The following KIFAP3 variants were observed in gnomAD, a reference collection of about 807,000 sequenced individuals.
KIFAP3 encodes kinesin-associated protein 3.
Under a neutral mutation model 106.5 loss-of-function variants are expected in KIFAP3, and 68 were observed. The ratio of observed to expected loss-of-function variants is 0.64; its 90% confidence interval spans 0.53 to 0.78. The LOEUF (loss-of-function observed/expected upper bound fraction) is 0.78, where lower values mean the gene tolerates loss of function less well. KIFAP3 is among the 30% of genes least tolerant of loss of function. KIFAP3 has a pLI of 0.00. For missense variants in KIFAP3, 780 were observed against 941.8 expected, an observed-to-expected ratio of 0.83 and a Z score of 2.25; for synonymous variants, 320 against 311.5, an observed-to-expected ratio of 1.03 and a Z score of -0.29.
At chr1:169,943,303 T>C in intron 19 of KIFAP3, among the ~76,000 whole-genome samples, 1 of 152,026 alleles carries the variant, frequency 6.6e-6, no homozygotes, top group Non-Finnish European at 1.5e-5. Context: ...AAAACAAATA[T>C]CTTAGAAAAA....
rs1391324395 is a variant in KIFAP3, at chr1:169,964,008, T to C, written c.1984-2773A>G. ...GATCAACTGAAGATCTTTACGTCAG[T>C]TAAATCTGATACTAAACTATACTTG... On this transcript the variant is annotated intron_variant, in intron 17 of 19. Transcript: ENST00000361580. Among the ~76,000 whole-genome samples the C allele has an allele frequency of 2.0e-5, 3 of 152,272 alleles. No homozygotes were observed. The East Asian group carries it at 5.8e-4, about 29-fold the overall frequency.
intron 8 of KIFAP3, 71 bp downstream of exon 8, chr1:170,031,815 A>G: frequency 1.0e-6 from 1 of 966,232 alleles, no homozygotes; most frequent in Non-Finnish European, 1.6e-6. Context: ...CAGGTATGAT[A>G]AAAAGTGAAC....
intron 9 of KIFAP3, among the ~76,000 whole-genome samples, chr1:170,020,510 C>T (rs28854261): frequency 0.15 from 23,502 of 152,072 alleles, 2,083 homozygotes; most frequent in Admixed American, 0.21. Context: ...GCTGGAGCGA[C>T]GATCTTGGCT....
chr1:169,973,523 A>C (rs575355952), intron 16 of KIFAP3, among the ~76,000 whole-genome samples: 157 of 151,028 alleles, frequency 1.0e-3, no homozygotes, highest in African/African-American at 3.3e-3. Context: ...AGTAAAAAAA[A>C]CTTGATATTA....
At chr1:170,041,666 G>A (rs1669987488) in intron 3 of KIFAP3, 1 of 1,531,740 alleles carries the variant, frequency 6.5e-7, no homozygotes, top group African/African-American at 1.4e-5. Flanking sequence ...TGCCAGCAAG[G>A]CATTACCGAC....
chr1:170,037,141 A>T (rs1669731297), intron 5 of KIFAP3, among the ~76,000 whole-genome samples: 1 of 152,204 alleles, frequency 6.6e-6, no homozygotes, highest in Admixed American at 6.5e-5. Context: ...AATGGAACAG[A>T]AGGAAAGGGA....
At chr1:169,965,688 A>G (rs1665574180) in intron 17 of KIFAP3, among the ~76,000 whole-genome samples, 1 of 152,040 alleles carries the variant, frequency 6.6e-6, no homozygotes, top group Non-Finnish European at 1.5e-5. Flanking sequence ...TGTAACAAAG[A>G]AGTTTCTTCA....
intron 19 of KIFAP3, among the ~76,000 whole-genome samples, chr1:169,937,424 T>C (rs996554714): frequency 6.6e-6 from 1 of 151,684 alleles, no homozygotes; most frequent in South Asian, 2.1e-4. Flanking sequence ...AACATAAAAA[T>C]CCCAACAGTA....
chr1:169,992,053 A>G, intron 11 of KIFAP3, 102 bp downstream of exon 11: 1 of 475,634 alleles, frequency 2.1e-6, no homozygotes. Context: ...TATTATTAAG[A>G]AGAGAACTTT....
chr1:169,924,883 C>T (rs1040229856), intron 19 of KIFAP3, among the ~76,000 whole-genome samples: 4 of 152,132 alleles, frequency 2.6e-5, no homozygotes, highest in African/African-American at 9.7e-5. Context: ...TTGTGCTTTC[C>T]TGATCTGGAA....
At chr1:170,021,941 C>CTTTTTTTTTTT (rs71125221) in intron 9 of KIFAP3, among the ~76,000 whole-genome samples, 13 of 77,882 alleles carry the variant, frequency 1.7e-4, no homozygotes, top group African/African-American at 5.7e-4. Flanking sequence ...TCTTTTCTTT[C>CTTTTTTTTTTT]TTTTTTTTTT....
intron 19 of KIFAP3, 77 bp from the exon 20 acceptor site, chr1:169,921,858 T>C: frequency 9.8e-7 from 1 of 1,019,290 alleles, no homozygotes. Flanking sequence ...GCCTACATTT[T>C]TATACCACCA....
chr1:170,068,286 T>C (rs984711814), intron 1 of KIFAP3: 5 of 152,028 alleles, frequency 3.3e-5, no homozygotes, highest in African/African-American at 1.2e-4. Context: ...GTCTTAAATA[T>C]GTCCAAAGAG....
At chr1:170,059,222 A>C (rs12130472) in intron 1 of KIFAP3, among the ~76,000 whole-genome samples, 9,645 of 152,028 alleles carry the variant, frequency 0.063, 386 homozygotes, top group Non-Finnish European at 0.095. Context: ...AACCCAGGAG[A>C]TGGTTTTTTG....
intron 11 of KIFAP3, 140 bp from the exon 12 acceptor site, chr1:169,984,830 C>A: frequency 1.9e-6 from 1 of 537,650 alleles, no homozygotes; most frequent in Non-Finnish European, 3.4e-6. Context: ...ACACATAAAA[C>A]TGGCAGGCGT....
intron 19 of KIFAP3, among the ~76,000 whole-genome samples, chr1:169,923,461 T>C (rs1303157627): frequency 6.6e-6 from 1 of 152,190 alleles, no homozygotes; most frequent in Non-Finnish European, 1.5e-5. Flanking sequence ...TAAAGAACTC[T>C]CAATTATATA....
intron 18 of KIFAP3, 60 bp downstream of exon 18, chr1:169,960,986 C>T: frequency 3.7e-6 from 5 of 1,352,736 alleles, no homozygotes; most frequent in Non-Finnish European, 5.1e-6. Context: ...GCAAGGCTGG[C>T]CGACTAAAAT....
At chr1:170,074,120 G>C (rs1395647843) in intron 1 of KIFAP3, among the ~76,000 whole-genome samples, 1 of 151,218 alleles carries the variant, frequency 6.6e-6, no homozygotes, top group African/African-American at 2.4e-5. Flanking sequence ...AGTCTGGGAA[G>C]AGGCGAAAAA....
intron 16 of KIFAP3, among the ~76,000 whole-genome samples, chr1:169,974,861 G>A (rs1275854673): frequency 2.6e-5 from 4 of 151,728 alleles, no homozygotes; most frequent in Non-Finnish European, 4.4e-5. Flanking sequence ...AGACAAATGT[G>A]GATTATAATC....
Sources: allele counts gnomAD v4.1 joint callset (sites outside exome capture counted in the v4.1 genomes callset), GRCh38; gene constraint gnomAD v4.1.1; transcripts MANE v1.5; gene names NCBI Gene and HGNC (gene_info 2026-07-23, HGNC 2026-07-21).